The following C12orf54 variants were observed in gnomAD, a reference collection of about 807,000 sequenced individuals.
The protein encoded by C12orf54 is uncharacterized protein C12orf54.
Under a neutral mutation model 26.4 loss-of-function variants are expected in C12orf54, and 24 were observed. That is an observed-to-expected ratio of 0.91 (90% CI 0.66 to 1.28). The LOEUF is 1.28. Among genes scored for constraint, C12orf54 ranks in the 50% most tolerant of loss-of-function variants. The pLI, the probability that C12orf54 is intolerant of heterozygous loss-of-function variation, is 0.00. For missense variants in C12orf54, 154 were observed against 150.9 expected (o/e 1.02, Z -0.11); for synonymous variants, 54 against 47.0 (o/e 1.15, Z -0.61).
the C12orf54 span, among the ~76,000 whole-genome samples, chr12:48,477,427 A>C: frequency 6.6e-6 from 1 of 152,222 alleles, no homozygotes; most frequent in African/African-American, 2.4e-5. Context: ...AGAGACACAA[A>C]AAACCCTTCA....
At chr12:48,470,106 C>T in the C12orf54 span, among the ~76,000 whole-genome samples, 1 of 152,138 alleles carries the variant, frequency 6.6e-6, no homozygotes, top group Admixed American at 6.5e-5. Context: ...TGATGAGCAC[C>T]TAGGTTGATT....
chr12:48,442,909 G>A, the C12orf54 span: 69 of 153,306 alleles, frequency 4.5e-4, 1 homozygote, highest in Non-Finnish European at 8.2e-4. Context: ...CTGACAGCCC[G>A]AGGAGGACAA....
At chr12:48,476,500 T>C in the C12orf54 span, among the ~76,000 whole-genome samples, 7 of 152,046 alleles carry the variant, frequency 4.6e-5, no homozygotes, top group Admixed American at 2.0e-4. Flanking sequence ...TCAGGAAACC[T>C]ATCTCACGTG....
chr12:48,469,815 C>T, the C12orf54 span, among the ~76,000 whole-genome samples: 2 of 152,146 alleles, frequency 1.3e-5, no homozygotes, highest in African/African-American at 4.8e-5. Context: ...CAGCCAGTCC[C>T]TCTGTTTGGG....
the C12orf54 span, among the ~76,000 whole-genome samples, chr12:48,439,157 T>G: frequency 1.0e-2 from 1,517 of 152,320 alleles, 23 homozygotes; most frequent in African/African-American, 0.035. Flanking sequence ...ATGCTCATCA[T>G]CACTGGCCAT....
the C12orf54 span, among the ~76,000 whole-genome samples, chr12:48,468,158 A>T: frequency 2.0e-5 from 3 of 152,224 alleles, no homozygotes; most frequent in African/African-American, 7.2e-5. Context: ...AGGTATTTAT[A>T]ATGTCCAGTG....
chr12:48,424,703 G>A, the C12orf54 span, among the ~76,000 whole-genome samples: 4 of 152,136 alleles, frequency 2.6e-5, no homozygotes, highest in Non-Finnish European at 5.9e-5. Context: ...TCACTCATAG[G>A]CATTTACCAA....
chr12:48,420,179 T>C, the C12orf54 span, among the ~76,000 whole-genome samples: 31 of 152,192 alleles, frequency 2.0e-4, no homozygotes, highest in Middle Eastern at 6.8e-3. Context: ...GAAAAGCAGC[T>C]AGATGATAAT....
chr12:48,466,807 A>G, the C12orf54 span, among the ~76,000 whole-genome samples: 1 of 152,152 alleles, frequency 6.6e-6, no homozygotes, highest in African/African-American at 2.4e-5. Flanking sequence ...AACCCCTACC[A>G]TATGTCCCAG....
At chr12:48,485,935 G>T (rs958010019) in intron 2 of C12orf54, among the ~76,000 whole-genome samples, 5 of 152,114 alleles carry the variant, frequency 3.3e-5, no homozygotes, top group African/African-American at 4.8e-5. Context: ...CACTTCCATT[G>T]TTCTATGCTT....
chr12:48,485,660 G>C (rs1274357658), intron 2 of C12orf54, among the ~76,000 whole-genome samples: 1 of 152,128 alleles, frequency 6.6e-6, no homozygotes, highest in Non-Finnish European at 1.5e-5. Context: ...ATGGTATTTA[G>C]GAATAAGAGC....
intron 6 of C12orf54, among the ~76,000 whole-genome samples, chr12:48,492,082 C>A (rs2137096065): frequency 6.6e-6 from 1 of 152,200 alleles, no homozygotes; most frequent in Admixed American, 6.5e-5. Flanking sequence ...GGTGAGGAGC[C>A]TTCAGCTGTG....
At chr12:48,443,052 T>C in the C12orf54 span, 2 of 152,222 alleles carry the variant, frequency 1.3e-5, no homozygotes, top group East Asian at 3.8e-4. Flanking sequence ...ATTCACAAAT[T>C]TTCTTGCTTA....
chr12:48,481,798 C>T (rs1478004538), upstream of C12orf54, among the ~76,000 whole-genome samples: 2 of 152,130 alleles, frequency 1.3e-5, no homozygotes, highest in African/African-American at 4.8e-5. Context: ...CACGCTATAC[C>T]ACAATTCCCA....
the C12orf54 span, among the ~76,000 whole-genome samples, chr12:48,469,807 G>A: frequency 6.6e-6 from 1 of 152,244 alleles, no homozygotes; most frequent in Admixed American, 6.5e-5. Context: ...TGTGGTTTCA[G>A]CCAGTCCCTC....
At chr12:48,472,579 T>G in the C12orf54 span, 68 of 1,524,452 alleles carry the variant, frequency 4.5e-5, no homozygotes, top group Non-Finnish European at 5.4e-5. Flanking sequence ...CAGAGCTGGT[T>G]GAGCTTTCAA....
the C12orf54 span, among the ~76,000 whole-genome samples, chr12:48,445,064 G>A: frequency 3.9e-5 from 6 of 152,068 alleles, no homozygotes; most frequent in East Asian, 1.9e-4. Flanking sequence ...CCAGCTACTC[G>A]GGAGGCTGAG....
At chr12:48,493,625 A>G (rs1937840182) in intron 7 of C12orf54, among the ~76,000 whole-genome samples, 1 of 10,330 alleles carries the variant, frequency 9.7e-5, no homozygotes, top group Admixed American at 1.5e-3. Flanking sequence ...ACACTGTCTC[A>G]TTAAAAAAAA....
At chr12:48,466,715 C>T in the C12orf54 span, among the ~76,000 whole-genome samples, 2 of 152,102 alleles carry the variant, frequency 1.3e-5, no homozygotes, top group Non-Finnish European at 2.9e-5. Flanking sequence ...AACTTGAAAT[C>T]TCATACACTG....
Sources: gnomAD v4.1 joint callset for allele counts (sites outside exome capture counted in the v4.1 genomes callset) on GRCh38, gnomAD v4.1.1 for gene constraint, MANE v1.5 for transcripts, NCBI Gene and HGNC (gene_info 2026-07-23, HGNC 2026-07-21) for gene names.